HPS3: variants seen among roughly 807,000 people sequenced by gnomAD.
HPS3 encodes BLOC-2 complex member HPS3.
Under a neutral mutation model 110.9 loss-of-function variants are expected in HPS3, and 79 were observed. That is an observed-to-expected ratio of 0.71 (90% CI 0.59 to 0.86). HPS3 has a LOEUF of 0.86. Ranked by LOEUF, HPS3 falls within the 40% of genes least tolerant of loss-of-function variation. The pLI is 0.00. For synonymous variants in HPS3, 428 were observed against 451.0 expected, an observed-to-expected ratio of 0.95 and a Z score of 0.65; for missense variants, 1,197 against 1,206.2, an observed-to-expected ratio of 0.99 and a Z score of 0.11.
rs137952312 is a variant in HPS3 at position 149,141,296 on chromosome 3, C to T, written c.886C>T (p.Arg296Cys). The change falls in exon 4 of 17, where the codon CGT becomes TGT. Residue 296 changes from arginine (R) to cysteine (C), a missense_variant and splice_region_variant. Physicochemically the swap from Arg to Cys is radical, Grantham distance 180. Coordinates refer to ENST00000296051, the MANE Select transcript of HPS3 (RefSeq NM_032383.5). ...YSHFQHLLYR[R>C]FAPDISSYVL... ...TTCTCTGTCTTTTTAAACCCACAGACGTTTTGCTCCTGATATTTCGTCCTA... is the reference window on the plus strand; with the variant it reads ...TTCTCTGTCTTTTTAAACCCACAGATGTTTTGCTCCTGATATTTCGTCCTA... The T allele has an allele frequency of 1.1e-5, 17 of 1,612,692 alleles. No individual in the cohort carries two copies. The highest frequency in any genetic ancestry group is 1.6e-4 in the Middle Eastern group (1 of 6,084).
chr3:149,138,325 T>A (rs1351138717), intron 1 of HPS3, among the ~76,000 whole-genome samples: 1 of 152,158 alleles, frequency 6.6e-6, no homozygotes, highest in Non-Finnish European at 1.5e-5. Flanking sequence ...AATGGCAGCA[T>A]TTCAATTTCA....
rs1282659169 is a variant in HPS3, at chr3:149,153,492, A to G, written c.1246-2A>G. 6.2e-7 allele frequency: 1 copy of G among 1,613,014 alleles called. No individual in the cohort carries two copies. The highest frequency in any genetic ancestry group is 8.5e-7 in the Non-Finnish European group (1 of 1,178,964). ...CTTAAATATGTGATTTTCCTTTACTAGGCTTGCCCACCTGTCAGTATGGAT... is the reference window on the plus strand; with the variant it reads ...CTTAAATATGTGATTTTCCTTTACTGGGCTTGCCCACCTGTCAGTATGGAT... On this transcript the variant is annotated splice_acceptor_variant, in intron 6 of 16. Transcript: ENST00000296051. LOFTEE classifies it high-confidence loss of function.
intron 8 of HPS3, among the ~76,000 whole-genome samples, chr3:149,156,654 T>C (rs1022128215): frequency 6.6e-5 from 10 of 152,062 alleles, no homozygotes; most frequent in Non-Finnish European, 1.3e-4. Flanking sequence ...GTTAAGGGTA[T>C]CACATCTGGA....
chr3:149,159,106 G>T (rs980682447), intron 10 of HPS3, among the ~76,000 whole-genome samples: 6 of 152,164 alleles, frequency 3.9e-5, no homozygotes, highest in African/African-American at 1.4e-4. Flanking sequence ...CCTGCCCAGT[G>T]ACAGTAGCAT....
intron 11 of HPS3, among the ~76,000 whole-genome samples, chr3:149,161,508 C>CTTTTT (rs1203449055): frequency 1.5e-4 from 16 of 104,330 alleles, no homozygotes; most frequent in Non-Finnish European, 2.1e-4. Flanking sequence ...CCCCCACACC[C>CTTTTT]TTTTTTTTTT....
intron 7 of HPS3, chr3:149,154,254 C>CT (rs1451379711): frequency 6.6e-6 from 1 of 152,612 alleles, no homozygotes; most frequent in African/African-American, 2.4e-5. Flanking sequence ...AGAATGCAAT[C>CT]TAATTTCTCT....
chr3:149,172,207 G>T lies in HPS3; in HGVS notation c.3000G>T (p.Lys1000Asn), dbSNP rs1360482890. Reference sequence around the variant, plus strand: ...CATATCTTCTCTATTGCAGTCGAAAGAAACCATTGACTTAAAGGTATCATT... The same window carrying T: ...CATATCTTCTCTATTGCAGTCGAAATAAACCATTGACTTAAAGGTATCATT... ...FLPYLLYCSRKKPLT is the reference protein window; with the variant it reads ...FLPYLLYCSRNKPLT Residue 1000 changes from lysine to asparagine, a missense_variant, in exon 17 of 17, where the codon AAG (lysine) becomes AAT (asparagine). Physicochemically the swap from Lys to Asn is moderately conservative, Grantham distance 94 (BLOSUM62 0). Transcript: ENST00000296051. 7.4e-6 allele frequency: 12 copies of T among 1,613,178 alleles called. No individual in the cohort carries two copies. The African/African-American group carries it at 1.1e-4, about 14-fold the overall frequency.
intron 16 of HPS3, among the ~76,000 whole-genome samples, chr3:149,169,527 T>G (rs1026825069): frequency 2.6e-5 from 4 of 152,256 alleles, no homozygotes; most frequent in African/African-American, 9.6e-5. Flanking sequence ...TCAACCTTGG[T>G]AATTGTCCGT....
chr3:149,135,686 C>T (rs993006502), intron 1 of HPS3, among the ~76,000 whole-genome samples: 1 of 152,106 alleles, frequency 6.6e-6, no homozygotes, highest in Non-Finnish European at 1.5e-5. Flanking sequence ...GACCTGAGAA[C>T]TCCTCACTCC....
At chr3:149,169,189 A>C (rs1310457222) in intron 16 of HPS3, among the ~76,000 whole-genome samples, 1 of 152,104 alleles carries the variant, frequency 6.6e-6, no homozygotes, top group Non-Finnish European at 1.5e-5. Context: ...CTCCTATAGG[A>C]AGCATTCTGT....
intron 16 of HPS3, 142 bp downstream of exon 16, chr3:149,168,125 C>G (rs1351375189): frequency 1.5e-6 from 1 of 645,760 alleles, no homozygotes; most frequent in African/African-American, 1.8e-5. Flanking sequence ...TTTCAGCATT[C>G]ACGTACCCTC....
At chr3:149,159,969 A>G (rs1386551253) in intron 10 of HPS3, 77 bp from the exon 11 acceptor site, 10 of 981,994 alleles carry the variant, frequency 1.0e-5, no homozygotes, top group African/African-American at 3.2e-5. Flanking sequence ...CTTTTTGCAC[A>G]TATGTTTTGC....
chr3:149,129,804 CG>C lies in HPS3; in HGVS notation c.87del (p.Arg30ValfsTer48), dbSNP rs769037441. The C allele has an allele frequency of 6.2e-7, 1 of 1,607,156 alleles. No homozygotes were observed. ...AGCTGGAGCCGGACCGGTTCTGTGGCGGGGGGCGTGACGCGCTTTTCGTGGC... is the reference window on the plus strand; with the variant it reads ...AGCTGGAGCCGGACCGGTTCTGTGGCGGGGGCGTGACGCGCTTTTCGTGGC... The part of the protein sequence containing the change: ...CKLEPDRFCG[G>X]GRDALFVAAG... On this transcript the variant is annotated frameshift_variant, in exon 1 of 17. Coordinates refer to ENST00000296051, the MANE Select transcript of HPS3 (RefSeq NM_032383.5). LOFTEE classifies it high-confidence loss of function.
chr3:149,136,213 TATACACAC>T (rs1722085354), intron 1 of HPS3, among the ~76,000 whole-genome samples: 1 of 151,244 alleles, frequency 6.6e-6, no homozygotes, highest in Non-Finnish European at 1.5e-5. Flanking sequence ...TACATATATA[TATACACAC>T]ACACACACAA....
intron 8 of HPS3, among the ~76,000 whole-genome samples, chr3:149,156,077 A>G (rs956598864): frequency 1.3e-5 from 2 of 152,126 alleles, no homozygotes; most frequent in Non-Finnish European, 2.9e-5. Context: ...ATATATTCCC[A>G]TTCCCCACAC....
intron 1 of HPS3, chr3:149,130,227 C>T: frequency 1.9e-6 from 1 of 527,472 alleles, no homozygotes; most frequent in Non-Finnish European, 3.4e-6. Context: ...CCACTCATCT[C>T]GGATACTTAA....
intron 9 of HPS3, 22 bp from the exon 10 acceptor site, chr3:149,158,644 T>C (rs1576687232): frequency 6.2e-7 from 1 of 1,610,560 alleles, no homozygotes; most frequent in East Asian, 2.2e-5. Flanking sequence ...AAATTTGAGG[T>C]TTTTCATTTC....
Position 149,134,874 on chromosome 3 carries a change from C to T in HPS3, c.217+4934C>T, listed in dbSNP as rs1336938366. ...TTCAGTCCACAGCTTGAACTTCAAC[C>T]CCTGGGTACAGCTCCTATTAATGCA... On this transcript the variant is annotated intron_variant, in intron 1 of 16. Transcript: ENST00000296051. Among the ~76,000 whole-genome samples, 5 of 152,102 alleles carry T rather than the reference C, an allele frequency of 3.3e-5. No homozygotes were observed. In the East Asian group the frequency reaches 9.6e-4, roughly 29 times the overall value.
chr3:149,162,473 G>A, intron 12 of HPS3, 140 bp downstream of exon 12: 1 of 903,304 alleles, frequency 1.1e-6, no homozygotes, highest in South Asian at 1.4e-5. Context: ...TAAGATAAAA[G>A]TACTAATTAA....
Sources: gnomAD v4.1 joint callset for allele counts (sites outside exome capture counted in the v4.1 genomes callset) on GRCh38, gnomAD v4.1.1 for gene constraint, MANE v1.5 for transcripts, NCBI Gene and HGNC (gene_info 2026-07-23, HGNC 2026-07-21) for gene names.